C9: variants seen among roughly 807,000 people sequenced by gnomAD.
C9 encodes the protein complement C9.
C9 carries 63 observed loss-of-function variants against 65.4 expected under a neutral mutation model. The ratio of observed to expected loss-of-function variants is 0.96; its 90% CI spans 0.79 to 1.19. C9 has a LOEUF of 1.19. Ranked by LOEUF, C9 falls within the 50% of genes most tolerant of loss-of-function variation. The pLI is 0.00. For synonymous variants in C9, 229 were observed against 227.9 expected (o/e 1.00, Z -0.04); for missense variants, 744 against 670.1 (o/e 1.11, Z -1.22).
In C9 at chr5:39,359,234, A is replaced by G. The variant is rs982332123; in HGVS notation, c.77+5154T>C. On this transcript the variant is annotated intron_variant, in intron 1 of 10. Transcript: ENST00000263408. Reference sequence around the variant, plus strand: ...TAAGTAACTTGGAGAATGGTGGTGCAGGGTGGGTAGAGACGAGTACAGAAA... The same window carrying G: ...TAAGTAACTTGGAGAATGGTGGTGCGGGGTGGGTAGAGACGAGTACAGAAA... Among the ~76,000 whole-genome samples the G allele has an allele frequency of 2.0e-5, 3 of 151,292 alleles. No individual in the cohort carries two copies. In the South Asian group the frequency reaches 6.3e-4, roughly 32 times the overall value.
At chr5:39,350,133 G>T (rs1274453308) in intron 1 of C9, among the ~76,000 whole-genome samples, 1 of 152,116 alleles carries the variant, frequency 6.6e-6, no homozygotes, top group East Asian at 1.9e-4. Flanking sequence ...AAGGGTGAAG[G>T]GTAAGCAAGT....
chr5:39,317,034 T>A (rs777228037), intron 5 of C9, among the ~76,000 whole-genome samples: 12 of 152,128 alleles, frequency 7.9e-5, no homozygotes, highest in Non-Finnish European at 1.6e-4. Context: ...TTAATAATTG[T>A]CATTCTGACT....
intron 1 of C9, among the ~76,000 whole-genome samples, chr5:39,350,724 G>A (rs540614419): frequency 1.3e-5 from 2 of 152,304 alleles, no homozygotes; most frequent in South Asian, 4.1e-4. Flanking sequence ...GATGCAAGGA[G>A]CAGCTCTGCT....
chr5:39,328,924 T>C (rs1049555216), intron 5 of C9, among the ~76,000 whole-genome samples: 4 of 152,180 alleles, frequency 2.6e-5, no homozygotes, highest in South Asian at 4.1e-4. Flanking sequence ...CCACATGATA[T>C]TGAAGTCACC....
intron 9 of C9, among the ~76,000 whole-genome samples, chr5:39,292,520 A>T (rs1753115660): frequency 6.6e-6 from 1 of 151,938 alleles, no homozygotes; most frequent in Admixed American, 6.6e-5. Context: ...TACCACAAAG[A>T]ACTAAAATTT....
At chr5:39,347,422 A>G (rs1754222591) in intron 1 of C9, among the ~76,000 whole-genome samples, 1 of 152,204 alleles carries the variant, frequency 6.6e-6, no homozygotes, top group Non-Finnish European at 1.5e-5. Flanking sequence ...CCCATTCACA[A>G]TTGCTTCAAA....
At chr5:39,292,079 T>C (rs1464040199) in intron 9 of C9, among the ~76,000 whole-genome samples, 5 of 151,686 alleles carry the variant, frequency 3.3e-5, no homozygotes, top group Non-Finnish European at 1.5e-5. Context: ...GAAGATATAA[T>C]GACCAAGAAT....
chr5:39,305,314 A>T (rs556755965), intron 9 of C9, among the ~76,000 whole-genome samples: 25 of 152,278 alleles, frequency 1.6e-4, no homozygotes, highest in African/African-American at 5.8e-4. Context: ...TTTCTATAAC[A>T]TAAAGGGAGA....
chr5:39,331,227 A>G (rs141153509), intron 5 of C9, among the ~76,000 whole-genome samples: 5 of 152,270 alleles, frequency 3.3e-5, no homozygotes, highest in African/African-American at 7.2e-5. Context: ...TTCAAGAGGT[A>G]GAGGAGTTTA....
At chr5:39,328,918 A>G (rs1753798488) in intron 5 of C9, among the ~76,000 whole-genome samples, 1 of 152,228 alleles carries the variant, frequency 6.6e-6, no homozygotes, top group Admixed American at 6.5e-5. Flanking sequence ...GGCAGTCCAC[A>G]TGATATTGAA....
chr5:39,335,804 A>C (rs893336811), intron 4 of C9, among the ~76,000 whole-genome samples: 1 of 151,662 alleles, frequency 6.6e-6, no homozygotes, highest in Non-Finnish European at 1.5e-5. Flanking sequence ...TCATTAAAAG[A>C]GTTTTAGAAG....
chr5:39,347,959 C>T (rs1401221925), intron 1 of C9, among the ~76,000 whole-genome samples: 4 of 142,264 alleles, frequency 2.8e-5, no homozygotes, highest in African/African-American at 1.0e-4. Context: ...GGAAAACTGG[C>T]TAGCCTTATG....
At position 39,308,312 on chromosome 5, in the gene C9, A is replaced by C. The variant is rs780583764; in HGVS notation, c.1158T>G (p.Asp386Glu). The C allele has an allele frequency of 5.0e-6, 8 of 1,604,818 alleles. No individual in the cohort carries two copies. Among genetic ancestry groups the C allele is most frequent in the Non-Finnish European group, 6.8e-6 (8 of 1,171,582 alleles). ...DIKRCLGYHL[D>E]VSLAFSEISV... Reference sequence around the variant, plus strand: ...AGATTTCAGAGAAAGCCAGAGATACATCCAGATGATACCCAAGGCATCTCT... The same window carrying C: ...AGATTTCAGAGAAAGCCAGAGATACCTCCAGATGATACCCAAGGCATCTCT... Residue 386 changes from aspartate (D) to glutamate (E), a missense_variant, in exon 8 of 11, where the codon GAT becomes GAG. Coordinates refer to ENST00000263408, the MANE Select transcript of C9 (RefSeq NM_001737.5).
At chr5:39,353,403 AACTTT>A (rs1402565145) in intron 1 of C9, among the ~76,000 whole-genome samples, 6 of 152,304 alleles carry the variant, frequency 3.9e-5, no homozygotes, top group East Asian at 1.9e-4. Context: ...CTAATTCTCC[AACTTT>A]ACTTTACTCC....
intron 5 of C9, among the ~76,000 whole-genome samples, chr5:39,316,496 C>T (rs1753571913): frequency 6.6e-6 from 1 of 152,188 alleles, no homozygotes; most frequent in Non-Finnish European, 1.5e-5. Flanking sequence ...TCCTGATGCT[C>T]TGTCACCCCT....
rs534936839 is a variant in C9, at chr5:39,304,471, T to C, written c.1416+2146A>G. Among the ~76,000 whole-genome samples, 12 of 152,264 alleles carry C rather than the reference T, an allele frequency of 7.9e-5. No individual in the cohort carries two copies. The South Asian group carries it at 2.1e-3, about 26-fold the overall frequency. Reference sequence around the variant, plus strand: ...ATTGTCTCCTGGAAATAGCTACAAGTTAACCAGAGGTCCACTTCTACCTGA... The same window carrying C: ...ATTGTCTCCTGGAAATAGCTACAAGCTAACCAGAGGTCCACTTCTACCTGA... On this transcript the variant is annotated intron_variant, in intron 9 of 10. Coordinates refer to ENST00000263408, the MANE Select transcript of C9 (RefSeq NM_001737.5).
chr5:39,292,606 G>A (rs1579838523), intron 9 of C9, among the ~76,000 whole-genome samples: 1 of 151,644 alleles, frequency 6.6e-6, no homozygotes, highest in Non-Finnish European at 1.5e-5. Flanking sequence ...AGTTTTAATT[G>A]CTCTAACATA....
chr5:39,310,613 G>A (rs554597532), intron 7 of C9, among the ~76,000 whole-genome samples: 122 of 151,984 alleles, frequency 8.0e-4, no homozygotes, highest in Middle Eastern at 3.2e-3. Flanking sequence ...ACCATATAAT[G>A]AGAAGTGTCA....
At chr5:39,321,512 CA>C (rs145417722) in intron 5 of C9, among the ~76,000 whole-genome samples, 4,471 of 151,748 alleles carry the variant, frequency 0.029, 199 homozygotes, top group African/African-American at 0.099. Context: ...AAGAAATAGC[CA>C]GAAAGAACAT....
Sources: allele counts gnomAD v4.1 joint callset (sites outside exome capture counted in the v4.1 genomes callset), GRCh38; gene constraint gnomAD v4.1.1; transcripts MANE v1.5; gene names NCBI Gene and HGNC (gene_info 2026-07-23, HGNC 2026-07-21).